The following NIBAN1 variants were observed in gnomAD, a reference collection of about 807,000 sequenced individuals.
The protein encoded by NIBAN1 is niban apoptosis regulator 1, also known as protein Niban 1.
Under a neutral mutation model 75.1 loss-of-function variants are expected in NIBAN1, and 81 were observed. That is an observed-to-expected ratio of 1.08 (90% confidence interval 0.90 to 1.30). The LOEUF (loss-of-function observed/expected upper bound fraction) is 1.30, where lower values mean the gene tolerates loss of function less well. Among genes scored for constraint, NIBAN1 ranks in the 50% most tolerant of loss-of-function variants. The pLI, the probability that NIBAN1 is intolerant of heterozygous loss-of-function variation, is 0.00. For missense variants in NIBAN1, 1,133 were observed against 1,128.1 expected, an observed-to-expected ratio of 1.00 and a Z score of -0.06; for synonymous variants, 436 against 424.8, an observed-to-expected ratio of 1.03 and a Z score of -0.32.
At chr1:184,910,140 A>G (rs1657203445) in intron 1 of NIBAN1, among the ~76,000 whole-genome samples, 1 of 152,132 alleles carries the variant, frequency 6.6e-6, no homozygotes, top group African/African-American at 2.4e-5. Flanking sequence ...TCTAGGCCTC[A>G]TAGGTGAAAT....
chr1:184,914,265 G>A (rs137936812), intron 1 of NIBAN1, among the ~76,000 whole-genome samples: 1 of 152,312 alleles, frequency 6.6e-6, no homozygotes, highest in African/African-American at 2.4e-5. Context: ...TTGCAGATGT[G>A]GAAGCCATCT....
chr1:184,842,764 C>CAA (rs35757389), intron 5 of NIBAN1, among the ~76,000 whole-genome samples: 2,211 of 120,572 alleles, frequency 0.018, 46 homozygotes, highest in East Asian at 0.083. Context: ...AACTCTGTCT[C>CAA]AAAAAAAAAA....
intron 1 of NIBAN1, among the ~76,000 whole-genome samples, chr1:184,954,589 A>G (rs1168824641): frequency 6.6e-6 from 1 of 152,210 alleles, no homozygotes; most frequent in Non-Finnish European, 1.5e-5. Context: ...AGGGCAAATT[A>G]TACTTAAGTT....
intron 9 of NIBAN1, among the ~76,000 whole-genome samples, chr1:184,813,925 C>G (rs1016569832): frequency 1.3e-5 from 2 of 152,014 alleles, no homozygotes; most frequent in Non-Finnish European, 2.9e-5. Flanking sequence ...AGGTTTTTAC[C>G]AAAAGTAAAA....
At chr1:184,946,318 A>G (rs947058902) in intron 1 of NIBAN1, among the ~76,000 whole-genome samples, 6 of 152,236 alleles carry the variant, frequency 3.9e-5, no homozygotes, top group Admixed American at 2.0e-4. Flanking sequence ...GAAGCTGAGG[A>G]TTAGTAAAGA....
intron 1 of NIBAN1, among the ~76,000 whole-genome samples, chr1:184,942,693 C>CAAAAAAAAAAAAAA (rs1235041623): frequency 1.3e-5 from 1 of 78,382 alleles, no homozygotes; most frequent in African/African-American, 4.6e-5. Flanking sequence ...GACTCCGTCT[C>CAAAAAAAAAAAAAA]AAAAAAAAAA....
chr1:184,882,109 C>T (rs754128200), intron 5 of NIBAN1, among the ~76,000 whole-genome samples: 1 of 152,186 alleles, frequency 6.6e-6, no homozygotes, highest in Non-Finnish European at 1.5e-5. Context: ...AGGCTGACAG[C>T]CCTTCCTCAT....
intron 5 of NIBAN1, among the ~76,000 whole-genome samples, chr1:184,844,776 A>C (rs1200563635): frequency 1.3e-5 from 2 of 152,206 alleles, no homozygotes; most frequent in African/African-American, 4.8e-5. Context: ...AAGACCTAAG[A>C]AATTAAACTG....
chr1:184,872,939 A>G (rs1656147849), intron 5 of NIBAN1, among the ~76,000 whole-genome samples: 1 of 152,230 alleles, frequency 6.6e-6, no homozygotes, highest in Non-Finnish European at 1.5e-5. Context: ...ACTGCAGAAT[A>G]CCAAAGACAA....
chr1:184,946,307 G>C (rs1658224012), intron 1 of NIBAN1, among the ~76,000 whole-genome samples: 2 of 152,170 alleles, frequency 1.3e-5, no homozygotes, highest in African/African-American at 4.8e-5. Flanking sequence ...TACAGAAAAA[G>C]GAAGCTGAGG....
chr1:184,880,238 T>C (rs369418376), intron 5 of NIBAN1, among the ~76,000 whole-genome samples: 3 of 152,316 alleles, frequency 2.0e-5, no homozygotes, highest in East Asian at 3.9e-4. Context: ...TATTGACAAA[T>C]GCCTTCCCTC....
chr1:184,922,940 A>G (rs908962570), intron 1 of NIBAN1, among the ~76,000 whole-genome samples: 10 of 152,192 alleles, frequency 6.6e-5, no homozygotes, highest in Admixed American at 2.6e-4. Context: ...GAGTTGTTTA[A>G]GCTTCTTATA....
At chr1:184,840,151 A>C (rs1002140997) in intron 5 of NIBAN1, among the ~76,000 whole-genome samples, 8 of 152,248 alleles carry the variant, frequency 5.3e-5, no homozygotes, top group Non-Finnish European at 1.0e-4. Context: ...TTTTTATTTT[A>C]AAACACATTT....
At chr1:184,948,723 T>C (rs1368005446) in intron 1 of NIBAN1, among the ~76,000 whole-genome samples, 1 of 152,098 alleles carries the variant, frequency 6.6e-6, no homozygotes, top group Non-Finnish European at 1.5e-5. Flanking sequence ...TATTTAATGA[T>C]AAGGGAAATG....
chr1:184,936,758 T>A (rs1422632189), intron 1 of NIBAN1, among the ~76,000 whole-genome samples: 1 of 152,200 alleles, frequency 6.6e-6, no homozygotes, highest in Non-Finnish European at 1.5e-5. Context: ...AAGATATATG[T>A]GATTGCATTT....
intron 1 of NIBAN1, among the ~76,000 whole-genome samples, chr1:184,948,426 A>G (rs888148460): frequency 5.3e-5 from 8 of 152,346 alleles, no homozygotes; most frequent in Admixed American, 6.5e-5. Context: ...CCAAGAGGTT[A>G]GAAATTCAGT....
At chr1:184,801,383 G>A (rs759115449) in intron 12 of NIBAN1, among the ~76,000 whole-genome samples, 2 of 152,178 alleles carry the variant, frequency 1.3e-5, no homozygotes, top group Non-Finnish European at 2.9e-5. Context: ...GAAAAGCATT[G>A]CCCAGGAGAC....
intron 1 of NIBAN1, among the ~76,000 whole-genome samples, chr1:184,927,108 T>G (rs112469621): frequency 0.019 from 2,874 of 152,130 alleles, 51 homozygotes; most frequent in South Asian, 0.047. Flanking sequence ...CAGCTATTTT[T>G]AATTCTCTGT....
rs183043499 is a variant in NIBAN1, at chr1:184,936,918, C to T, written c.55+37384G>A. On this transcript the variant is annotated intron_variant, in intron 1 of 13. Coordinates refer to ENST00000367511, the MANE Select transcript of NIBAN1 (RefSeq NM_052966.4). ...CTACCCCACATTAATAAAACTCATC[C>T]CCATGATTAATATAAAGATGTTTTC... 3.9e-5 allele frequency among the ~76,000 whole-genome samples: 6 copies of T among 152,136 alleles called. No homozygotes were observed. In the East Asian group the frequency reaches 1.2e-3, roughly 29 times the overall value.
Sources: allele counts gnomAD v4.1 joint callset (sites outside exome capture counted in the v4.1 genomes callset), GRCh38; gene constraint gnomAD v4.1.1; transcripts MANE v1.5; gene names NCBI Gene and HGNC (gene_info 2026-07-23, HGNC 2026-07-21).